Variants in MYO6 observed in about 807,000 individuals in gnomAD.
MYO6 encodes the protein unconventional myosin-VI.
A neutral mutation model predicts 178.7 loss-of-function variants in MYO6; 74 were observed. The ratio of observed to expected loss-of-function variants is 0.41; its 90% CI spans 0.34 to 0.50. The LOEUF (loss-of-function observed/expected upper bound fraction) is 0.50. Among genes scored for constraint, MYO6 ranks in the 20% least tolerant of loss-of-function variants. The pLI is 0.09. For synonymous variants in MYO6, 477 were observed against 504.6 expected (o/e 0.95, Z 0.73); for missense variants, 1,330 against 1,547.4 (o/e 0.86, Z 2.36).
intron 1 of MYO6, among the ~76,000 whole-genome samples, chr6:75,770,993 T>G (rs970264149): frequency 6.6e-6 from 1 of 150,844 alleles, no homozygotes; most frequent in African/African-American, 2.4e-5. Context: ...TAACAGCACT[T>G]TTTTTTTTCT....
chr6:75,890,494 A>G (rs923041294), intron 26 of MYO6, among the ~76,000 whole-genome samples: 3 of 151,980 alleles, frequency 2.0e-5, no homozygotes, highest in Non-Finnish European at 4.4e-5. Flanking sequence ...ACAGGTGCGC[A>G]CCACCACGCC....
In MYO6 at chr6:75,787,061, C is replaced by T. The variant is rs574421517; in HGVS notation, c.-47-30440C>T. 2.7e-4 allele frequency among the ~76,000 whole-genome samples: 41 copies of T among 152,280 alleles called. No individual in the cohort carries two copies. The South Asian group carries it at 6.0e-3, about 22-fold the overall frequency. Reference sequence around the variant, plus strand: ...GTTATTTACCTTTCTTTGTGTTTCACGACCTTAAAATTTTTGAGGAGTTCA... The same window carrying T: ...GTTATTTACCTTTCTTTGTGTTTCATGACCTTAAAATTTTTGAGGAGTTCA... On this transcript the variant is annotated intron_variant, in intron 1 of 34. Transcript: ENST00000369977.
intron 30 of MYO6, among the ~76,000 whole-genome samples, chr6:75,905,187 A>G (rs9359147): frequency 0.39 from 59,666 of 152,088 alleles, 12,718 homozygotes; most frequent in Middle Eastern, 0.54. Flanking sequence ...TTGTTTGTCT[A>G]TGCCCTGCCC....
intron 33 of MYO6, among the ~76,000 whole-genome samples, chr6:75,912,205 T>C (rs541992563): frequency 5.3e-5 from 8 of 152,176 alleles, no homozygotes; most frequent in East Asian, 3.9e-4. Context: ...TAGCCTCTTA[T>C]GATACACATT....
intron 1 of MYO6, among the ~76,000 whole-genome samples, chr6:75,769,153 A>G (rs1468003870): frequency 2.0e-5 from 3 of 152,196 alleles, no homozygotes; most frequent in Non-Finnish European, 4.4e-5. Context: ...TCCCATCTCT[A>G]ACATCGGAGG....
intron 27 of MYO6, 81 bp downstream of exon 27, chr6:75,891,387 C>T: frequency 9.7e-7 from 1 of 1,032,910 alleles, no homozygotes; most frequent in Non-Finnish European, 1.5e-6. Context: ...AATCCCAGCT[C>T]TTTGGGAGGC....
At chr6:75,834,433 A>G (rs1030294889) in intron 6 of MYO6, among the ~76,000 whole-genome samples, 1 of 151,976 alleles carries the variant, frequency 6.6e-6, no homozygotes, top group African/African-American at 2.4e-5. Flanking sequence ...GGGTTATGCT[A>G]TGTTGTCCAG....
chr6:75,911,569 T>A, intron 32 of MYO6, 103 bp from the exon 33 acceptor site: 1 of 997,264 alleles, frequency 1.0e-6, no homozygotes, highest in Non-Finnish European at 1.6e-6. Flanking sequence ...ATATTTACTT[T>A]TCAGTCACCA....
chr6:75,879,753 C>T, intron 20 of MYO6, 67 bp from the exon 21 acceptor site: 1 of 1,610,336 alleles, frequency 6.2e-7, no homozygotes, highest in Non-Finnish European at 8.5e-7. Flanking sequence ...CAAAAATGAT[C>T]ATTCACAAAT....
chr6:75,876,675 T>A (rs1777591945), intron 20 of MYO6, among the ~76,000 whole-genome samples: 1 of 152,202 alleles, frequency 6.6e-6, no homozygotes, highest in East Asian at 1.9e-4. Flanking sequence ...CCTCTTTCAA[T>A]AAGCAGTATA....
chr6:75,851,428 T>A lies in MYO6; in HGVS notation c.1078+2897T>A, dbSNP rs367763426. On this transcript the variant is annotated intron_variant, in intron 11 of 34. Transcript: ENST00000369977. ...TCCTTCCTATGACTCTTCCTATAGA[T>A]CCAAATGGTTTCTTTCTAATTAGAA... 1.6e-4 allele frequency among the ~76,000 whole-genome samples: 25 copies of A among 152,300 alleles called. No individual in the cohort carries two copies. In the East Asian group the frequency reaches 2.5e-3, roughly 15 times the overall value.
At chr6:75,754,519 CAAA>C (rs58162315) in intron 1 of MYO6, among the ~76,000 whole-genome samples, 3 of 44,178 alleles carry the variant, frequency 6.8e-5, no homozygotes, top group African/African-American at 1.3e-4. Context: ...GACTCCGTCT[CAAA>C]AAAAAAAAAA....
In MYO6 at chr6:75,890,254, G is replaced by C; in HGVS notation, c.2856G>C (p.Glu952Asp). ...EDEKRRRKEE[E>D]ERRMKLEMEA... ...AAAAACGTCGAAGAAAGGAAGAGGA[G>C]GAAAGGCGGATGTGAGGCATTTATA... Residue 952 changes from glutamate to aspartate, a missense_variant, in exon 26 of 35, where the codon GAG (glutamate) becomes GAC (aspartate). Glu to Asp is a conservative substitution (Grantham distance 45). Transcript: ENST00000369977. 6.2e-7 allele frequency: 1 copy of C among 1,613,644 alleles called. No homozygotes were observed. The highest frequency in any genetic ancestry group is 8.5e-7 in the Non-Finnish European group (1 of 1,179,674).
At chr6:75,890,388 C>T (rs942912303) in intron 26 of MYO6, 123 bp downstream of exon 26, 1 of 1,406,348 alleles carries the variant, frequency 7.1e-7, no homozygotes, top group Non-Finnish European at 9.8e-7. Flanking sequence ...GCTCTGTTGC[C>T]CAGGCTGGAG....
chr6:75,851,848 G>T (rs1775300185), intron 11 of MYO6, among the ~76,000 whole-genome samples: 2 of 151,614 alleles, frequency 1.3e-5, no homozygotes, highest in Admixed American at 6.6e-5. Context: ...AAAAAAATTT[G>T]GTATTTTTAT....
intron 18 of MYO6, 152 bp from the exon 19 acceptor site, chr6:75,870,495 A>T (rs1777060758): frequency 1.5e-6 from 1 of 661,896 alleles, no homozygotes; most frequent in Non-Finnish European, 2.7e-6. Flanking sequence ...CTGTTAAAGA[A>T]TTTGTGTACC....
chr6:75,765,589 T>C (rs1345539278), intron 1 of MYO6, among the ~76,000 whole-genome samples: 1 of 150,566 alleles, frequency 6.6e-6, no homozygotes, highest in African/African-American at 2.4e-5. Context: ...TTTCACCTCT[T>C]AAAAAAAAAA....
At chr6:75,828,850 A>G (rs529855585) in intron 4 of MYO6, among the ~76,000 whole-genome samples, 1 of 152,236 alleles carries the variant, frequency 6.6e-6, no homozygotes, top group South Asian at 2.1e-4. Context: ...GGATGAAATA[A>G]TGAATTCAGA....
intron 9 of MYO6, among the ~76,000 whole-genome samples, chr6:75,842,096 TG>T (rs1478482534): frequency 1.3e-5 from 2 of 152,184 alleles, no homozygotes; most frequent in African/African-American, 4.8e-5. Context: ...ATTTATTGCT[TG>T]CCCATTGGGT....
Sources: gnomAD v4.1 joint callset for allele counts (sites outside exome capture counted in the v4.1 genomes callset) on GRCh38, gnomAD v4.1.1 for gene constraint, MANE v1.5 for transcripts, NCBI Gene and HGNC (gene_info 2026-07-23, HGNC 2026-07-21) for gene names.